The following SI variants were observed in gnomAD, a reference collection of about 807,000 sequenced individuals.
SI encodes sucrase-isomaltase, also known as sucrase-isomaltase, intestinal.
SI carries 235 observed loss-of-function variants against 253.3 expected under a neutral mutation model. The observed-to-expected ratio is 0.93, with a 90% CI of 0.83 to 1.03. SI has a LOEUF of 1.03. Among genes scored for constraint, SI ranks in the 50% least tolerant of loss-of-function variants. The pLI is 0.00. For missense variants in SI, 2,442 were observed against 2,211.1 expected (o/e 1.10, Z -2.09); for synonymous variants, 819 against 712.0 (o/e 1.15, Z -2.39).
chr3:165,029,673 T>C (rs1441970486), intron 25 of SI, among the ~76,000 whole-genome samples: 2 of 147,850 alleles, frequency 1.4e-5, no homozygotes. Flanking sequence ...ATAGGAAAGA[T>C]AAAATTTCAC....
At chr3:165,063,647 T>C (rs1714087099) in intron 7 of SI, 106 bp from the exon 8 acceptor site, 2 of 582,854 alleles carry the variant, frequency 3.4e-6, no homozygotes, top group Non-Finnish European at 6.2e-6. Context: ...TATAATTTAC[T>C]TCTCCTGTTT....
chr3:165,053,521 AGTTCACTGAT>A (rs1371237896), intron 13 of SI, among the ~76,000 whole-genome samples: 1 of 152,178 alleles, frequency 6.6e-6, no homozygotes, highest in Non-Finnish European at 1.5e-5. Flanking sequence ...GATATATATT[AGTTCACTGAT>A]GTTCACTGAT....
chr3:165,007,038 A>G (rs1718546218), intron 36 of SI, 84 bp from the exon 37 acceptor site: 1 of 979,654 alleles, frequency 1.0e-6, no homozygotes. Context: ...GTATTCCTTG[A>G]CAAAGAAATT....
rs1559990351 is a variant in SI at position 165,015,975 on chromosome 3, C to T, written c.3865G>A (p.Gly1289Arg). 6.2e-7 allele frequency: 1 copy of T among 1,610,622 alleles called. No individual in the cohort carries two copies. The change falls in exon 32 of 48, where the codon GGA becomes AGA. Residue 1289 changes from glycine (G) to arginine (R), a missense_variant. Gly to Arg is a moderately radical substitution (Grantham distance 125). Transcript: ENST00000264382. Reference protein sequence around the residue: ...PQFVDKIRGEGMRYIIILDPA... With the variant: ...PQFVDKIRGERMRYIIILDPA... ...ACCAGGATAATAATGTATCTCATTCCTTCTCCTCTTATTTTGTCAACAAAC... is the reference window on the plus strand; with the variant it reads ...ACCAGGATAATAATGTATCTCATTCTTTCTCCTCTTATTTTGTCAACAAAC...
chr3:165,065,879 T>G (rs899936497), intron 6 of SI, among the ~76,000 whole-genome samples: 1 of 151,756 alleles, frequency 6.6e-6, no homozygotes, highest in Non-Finnish European at 1.5e-5. Flanking sequence ...AAAGCATTTT[T>G]CCCCCAAAAA....
chr3:165,019,963 T>A (rs1206208988), intron 27 of SI, among the ~76,000 whole-genome samples, 193 bp from the exon 28 acceptor site: 1 of 151,814 alleles, frequency 6.6e-6, no homozygotes, highest in Non-Finnish European at 1.5e-5. Flanking sequence ...TTAAGGAATA[T>A]GTAAAATATG....
intron 20 of SI, among the ~76,000 whole-genome samples, chr3:165,038,683 T>A (rs1712664794): frequency 6.6e-6 from 1 of 152,024 alleles, no homozygotes; most frequent in African/African-American, 2.4e-5. Context: ...AATATTTGAA[T>A]ATACCATATA....
rs773676642 is a variant in SI, at chr3:165,037,932, G to A, written c.2394C>T (p.Pro798=). Residue 798 remains proline (P), a synonymous_variant, in exon 21 of 48, where the codon CCC becomes CCT. Transcript: ENST00000264382. ...GLHLRGGYII[P]IQEPDVTTTA... ...TTGTTGTTACATCTGGTTCTTGAAT[G>A]GGGATGATATAACCTCCTCTAAGAT... The A allele has an allele frequency of 1.2e-6, 2 of 1,610,134 alleles. No individual in the cohort carries two copies. The highest frequency in any genetic ancestry group is 8.5e-7 in the Non-Finnish European group (1 of 1,177,436).
At chr3:165,049,563 T>G (rs188399771) in intron 14 of SI, among the ~76,000 whole-genome samples, 1 of 152,268 alleles carries the variant, frequency 6.6e-6, no homozygotes, top group East Asian at 1.9e-4. Flanking sequence ...CAAACTATAT[T>G]GTACATCATA....
chr3:165,037,573 T>A (rs2108213298), intron 21 of SI, among the ~76,000 whole-genome samples: 1 of 152,092 alleles, frequency 6.6e-6, no homozygotes, highest in African/African-American at 2.4e-5. Context: ...AATTAACAAA[T>A]ACTTCACTCA....
At chr3:164,987,252 A>G (rs769338272) in intron 44 of SI, 26 bp from the exon 45 acceptor site, 2 of 1,586,016 alleles carry the variant, frequency 1.3e-6, no homozygotes, top group East Asian at 2.2e-5. Context: ...ATATAATTTT[A>G]CCCATGTTTG....
intron 27 of SI, 77 bp from the exon 28 acceptor site, chr3:165,019,847 T>G (rs772881716): frequency 1.4e-4 from 180 of 1,258,846 alleles, no homozygotes; most frequent in Non-Finnish European, 2.0e-4. Context: ...CGGTAATTCT[T>G]TCTTAGATTA....
In SI at chr3:165,030,522, A is replaced by T. The variant is rs567325996; in HGVS notation, c.2892+190T>A. Among the ~76,000 whole-genome samples the T allele has an allele frequency of 5.3e-4, 80 of 151,062 alleles. 1 individual carries two copies. The highest frequency in any genetic ancestry group is 1.2e-3 in the Admixed American group (18 of 15,044). ...CATCAATTCAGCCTGGCGTTTACTAAGATATGTCTTTGGATAATTAATTAA... is the reference window on the plus strand; with the variant it reads ...CATCAATTCAGCCTGGCGTTTACTATGATATGTCTTTGGATAATTAATTAA... On this transcript the variant is annotated intron_variant, in intron 25 of 47. Transcript: ENST00000264382.
intron 27 of SI, 69 bp downstream of exon 27, chr3:165,021,160 A>T: frequency 4.4e-6 from 6 of 1,376,446 alleles, no homozygotes; most frequent in Non-Finnish European, 6.2e-6. Context: ...AAGGCTGTTA[A>T]TCATTTTACT....
intron 25 of SI, among the ~76,000 whole-genome samples, chr3:165,025,146 C>T (rs1477066247): frequency 1.3e-5 from 2 of 151,128 alleles, no homozygotes; most frequent in Non-Finnish European, 3.0e-5. Context: ...GAACACTTCT[C>T]ATCTATTCAA....
intron 34 of SI, among the ~76,000 whole-genome samples, chr3:165,011,909 G>C (rs1718788388): frequency 6.6e-6 from 1 of 151,676 alleles, no homozygotes; most frequent in Non-Finnish European, 1.5e-5. Flanking sequence ...TTCATGTTGG[G>C]AGCAAATATT....
At chr3:165,034,945 G>A (rs2108209316) in intron 22 of SI, among the ~76,000 whole-genome samples, 1 of 152,110 alleles carries the variant, frequency 6.6e-6, no homozygotes, top group East Asian at 1.9e-4. Context: ...AAATTAACAT[G>A]AAAGATGGTG....
intron 34 of SI, among the ~76,000 whole-genome samples, chr3:165,010,098 C>T (rs551162516): frequency 2.0e-5 from 3 of 152,072 alleles, no homozygotes; most frequent in East Asian, 1.9e-4. Context: ...AACAAGATAT[C>T]GGAGGACATA....
chr3:164,990,958 C>A (rs997765541), intron 44 of SI, among the ~76,000 whole-genome samples: 30 of 151,524 alleles, frequency 2.0e-4, no homozygotes, highest in African/African-American at 7.3e-4. Context: ...CTTAATATTT[C>A]TTTTGACTGT....
Sources: allele counts gnomAD v4.1 joint callset (sites outside exome capture counted in the v4.1 genomes callset), GRCh38; gene constraint gnomAD v4.1.1; transcripts MANE v1.5; gene names NCBI Gene and HGNC (gene_info 2026-07-23, HGNC 2026-07-21).